The following KAZN variants were observed in gnomAD, a reference collection of about 807,000 sequenced individuals.
KAZN encodes kazrin.
A neutral mutation model predicts 87.4 loss-of-function variants in KAZN; 40 were observed. The observed-to-expected ratio is 0.46, with a 90% CI of 0.36 to 0.60. The LOEUF is 0.60. KAZN is among the 20% of genes least tolerant of loss of function. The probability of loss-of-function intolerance (pLI) is 0.00; values close to 1 mark genes in which losing one functional copy is unlikely to be tolerated. For missense variants in KAZN, 898 were observed against 1,073.9 expected, an observed-to-expected ratio of 0.84 and a Z score of 2.29; for synonymous variants, 466 against 458.3, an observed-to-expected ratio of 1.02 and a Z score of -0.22.
At chr1:14,698,817 A>G (rs1641764500) in intron 1 of KAZN, among the ~76,000 whole-genome samples, 2 of 152,216 alleles carry the variant, frequency 1.3e-5, no homozygotes, top group South Asian at 4.1e-4. Flanking sequence ...ATGTCCAAAC[A>G]CCTGAAGTTG....
intron 1 of KAZN, among the ~76,000 whole-genome samples, chr1:14,903,797 A>T (rs1173518884): frequency 6.6e-6 from 1 of 152,244 alleles, no homozygotes; most frequent in African/African-American, 2.4e-5. Flanking sequence ...TTAGTAGGTT[A>T]CATGTATTGA....
chr1:14,530,389 T>C (rs1304163037), intron 2 of KAZN, among the ~76,000 whole-genome samples: 1 of 152,182 alleles, frequency 6.6e-6, no homozygotes, highest in Non-Finnish European at 1.5e-5. Context: ...AAAAGGACAT[T>C]TGAAGAAAGC....
intron 8 of KAZN, 47 bp downstream of exon 8, chr1:15,065,800 C>G (rs761794044): frequency 4.4e-6 from 7 of 1,602,880 alleles, no homozygotes; most frequent in African/African-American, 1.3e-5. Flanking sequence ...ACTGGTGATA[C>G]GCGCTCCCCT....
intron 2 of KAZN, among the ~76,000 whole-genome samples, chr1:14,433,896 C>T (rs1251209317): frequency 6.6e-6 from 1 of 152,206 alleles, no homozygotes; most frequent in Non-Finnish European, 1.5e-5. Flanking sequence ...AGCGTTCTCT[C>T]TCTTCCTCTG....
At chr1:14,286,205 C>T (rs895941980) in intron 2 of KAZN, among the ~76,000 whole-genome samples, 2 of 152,172 alleles carry the variant, frequency 1.3e-5, no homozygotes, top group African/African-American at 4.8e-5. Flanking sequence ...TGAAGACACT[C>T]TTTTTAGCTT....
intron 2 of KAZN, among the ~76,000 whole-genome samples, chr1:14,407,244 T>A (rs1356794103): frequency 6.6e-6 from 1 of 152,168 alleles, no homozygotes; most frequent in Non-Finnish European, 1.5e-5. Context: ...CCTCTGGGAT[T>A]TTCTCTAAGA....
intron 1 of KAZN, among the ~76,000 whole-genome samples, chr1:14,883,528 A>G (rs749877135): frequency 6.8e-6 from 1 of 147,166 alleles, no homozygotes; most frequent in Non-Finnish European, 1.5e-5. Context: ...ACCCTGGGTC[A>G]CAGCCAAAGG....
At chr1:15,029,206 G>GGT (rs1411684811) in intron 2 of KAZN, among the ~76,000 whole-genome samples, 1 of 152,160 alleles carries the variant, frequency 6.6e-6, no homozygotes, top group African/African-American at 2.4e-5. Context: ...GTGAGGAGGA[G>GGT]GGTGGATGGT....
At chr1:14,403,194 A>G (rs957082675) in intron 2 of KAZN, among the ~76,000 whole-genome samples, 1 of 152,216 alleles carries the variant, frequency 6.6e-6, no homozygotes, top group Non-Finnish European at 1.5e-5. Flanking sequence ...AAACCATTAA[A>G]CACCTTTACA....
intron 1 of KAZN, among the ~76,000 whole-genome samples, chr1:14,955,182 A>C (rs969057609): frequency 6.6e-6 from 1 of 152,244 alleles, no homozygotes; most frequent in African/African-American, 2.4e-5. Context: ...AAGTCTTCCA[A>C]CGGCAGCTTC....
intron 1 of KAZN, among the ~76,000 whole-genome samples, chr1:13,942,657 A>G (rs534799993): frequency 6.6e-5 from 10 of 152,178 alleles, no homozygotes; most frequent in African/African-American, 2.4e-4. Context: ...AAACAATCTC[A>G]GGCACGCTAG....
At chr1:14,418,684 T>A (rs190139614) in intron 2 of KAZN, among the ~76,000 whole-genome samples, 47 of 152,360 alleles carry the variant, frequency 3.1e-4, no homozygotes, top group African/African-American at 1.0e-3. Flanking sequence ...GTCTTCTAAC[T>A]GTATACTCCC....
At chr1:15,038,407 C>T (rs1292462804) in intron 3 of KAZN, among the ~76,000 whole-genome samples, 1 of 152,202 alleles carries the variant, frequency 6.6e-6, no homozygotes, top group African/African-American at 2.4e-5. Context: ...GGCATGAACA[C>T]AGTATTACCT....
At chr1:14,193,915 C>T (rs1159197294) in intron 2 of KAZN, among the ~76,000 whole-genome samples, 4 of 151,970 alleles carry the variant, frequency 2.6e-5, no homozygotes, top group Non-Finnish European at 5.9e-5. Flanking sequence ...TAGGTGGTAT[C>T]GCTGTTGTTT....
intron 1 of KAZN, among the ~76,000 whole-genome samples, chr1:14,685,023 C>G (rs1179297238): frequency 6.6e-6 from 1 of 152,158 alleles, no homozygotes; most frequent in Non-Finnish European, 1.5e-5. Context: ...TGTGCTCCAT[C>G]CCGAGAGTAA....
intron 2 of KAZN, among the ~76,000 whole-genome samples, chr1:14,446,736 G>A (rs12085004): frequency 0.11 from 16,721 of 152,070 alleles, 2,550 homozygotes; most frequent in African/African-American, 0.34. Flanking sequence ...CCTCTCCACA[G>A]TGGCAAGTCC....
At chr1:14,180,415 CCTT>C (rs777036017) in intron 1 of KAZN, 11 of 1,543,614 alleles carry the variant, frequency 7.1e-6, no homozygotes, top group Non-Finnish European at 8.7e-6. Context: ...CTCTACTTTT[CCTT>C]CTTTTTCTTT....
At chr1:14,048,634 C>T (rs1271856259) in intron 1 of KAZN, among the ~76,000 whole-genome samples, 1 of 152,098 alleles carries the variant, frequency 6.6e-6, no homozygotes, top group African/African-American at 2.4e-5. Flanking sequence ...AAACTCCTGA[C>T]CTTAGGTGAT....
chr1:14,148,714 A>G (rs961800882), intron 1 of KAZN, among the ~76,000 whole-genome samples: 1 of 152,238 alleles, frequency 6.6e-6, no homozygotes, highest in African/African-American at 2.4e-5. Context: ...ATGCGAAAGC[A>G]GATGGGGAAT....
Sources: allele counts gnomAD v4.1 joint callset (sites outside exome capture counted in the v4.1 genomes callset), GRCh38; gene constraint gnomAD v4.1.1; transcripts MANE v1.5; gene names NCBI Gene and HGNC (gene_info 2026-07-23, HGNC 2026-07-21).